The following KDM4C variants were observed in gnomAD, a reference collection of about 807,000 sequenced individuals.
The protein encoded by KDM4C is lysine-specific demethylase 4C.
In KDM4C, 81 loss-of-function variants were observed where a neutral mutation model predicts 129.3. The observed-to-expected ratio is 0.63, with a 90% CI of 0.52 to 0.75. The LOEUF is 0.75. Among genes scored for constraint, KDM4C ranks in the 30% least tolerant of loss-of-function variants. The probability of loss-of-function intolerance (pLI) is 0.00; values close to 1 mark genes in which losing one functional copy is unlikely to be tolerated. For missense variants in KDM4C, 1,457 were observed against 1,304.0 expected (o/e 1.12, Z -1.81); for synonymous variants, 573 against 456.1 (o/e 1.26, Z -3.26).
At chr9:7,010,233 G>A (rs1007946605) in intron 12 of KDM4C, among the ~76,000 whole-genome samples, 10 of 152,092 alleles carry the variant, frequency 6.6e-5, no homozygotes, top group African/African-American at 2.2e-4. Flanking sequence ...TGCAAATATA[G>A]GCAAAGACTC....
intron 18 of KDM4C, among the ~76,000 whole-genome samples, chr9:7,122,239 C>CCACACACACACACA (rs147638679): frequency 9.0e-5 from 13 of 144,258 alleles, no homozygotes; most frequent in African/African-American, 1.6e-4. Context: ...GTGGGAGATG[C>CCACACACACACACA]CACACACACA....
At chr9:7,154,567 C>G (rs1021924563) in intron 19 of KDM4C, among the ~76,000 whole-genome samples, 6 of 152,162 alleles carry the variant, frequency 3.9e-5, no homozygotes, top group Admixed American at 3.3e-4. Context: ...CTTCAGAATT[C>G]AGGTAATCAG....
intron 1 of KDM4C, among the ~76,000 whole-genome samples, chr9:6,770,801 A>AGAC (rs1563965834): frequency 1.7e-5 from 2 of 119,764 alleles, no homozygotes; most frequent in Non-Finnish European, 3.2e-5. Context: ...TTTGAGATGG[A>AGAC]ATCTCGCTCT....
At chr9:6,872,486 A>G (rs1276382963) in intron 5 of KDM4C, among the ~76,000 whole-genome samples, 3 of 152,142 alleles carry the variant, frequency 2.0e-5, no homozygotes, top group Non-Finnish European at 4.4e-5. Flanking sequence ...GTCTCCCACT[A>G]TTATTGTGTG....
chr9:6,866,323 G>T (rs182504045), intron 5 of KDM4C, among the ~76,000 whole-genome samples: 1 of 151,158 alleles, frequency 6.6e-6, no homozygotes, highest in African/African-American at 2.4e-5. Flanking sequence ...TTTCCTTTTT[G>T]GTTCCAGATG....
At chr9:6,943,674 CA>C (rs33979464) in intron 8 of KDM4C, among the ~76,000 whole-genome samples, 10,386 of 125,810 alleles carry the variant, frequency 0.083, 1,024 homozygotes, top group African/African-American at 0.25. Context: ...AATCTTGTCT[CA>C]AAAAAAAAAA....
At chr9:6,739,404 A>T (rs1216036215) in intron 1 of KDM4C, among the ~76,000 whole-genome samples, 1 of 151,702 alleles carries the variant, frequency 6.6e-6, no homozygotes, top group Non-Finnish European at 1.5e-5. Context: ...TGACCCAGAA[A>T]ATCCTGTTTA....
intron 1 of KDM4C, among the ~76,000 whole-genome samples, chr9:6,790,786 A>T (rs1409075104): frequency 6.6e-6 from 1 of 151,312 alleles, no homozygotes; most frequent in African/African-American, 2.4e-5. Flanking sequence ...TGAGGCAGCC[A>T]CTTTAGTGCT....
At chr9:6,800,408 A>G (rs771299296) in intron 2 of KDM4C, among the ~76,000 whole-genome samples, 7 of 150,762 alleles carry the variant, frequency 4.6e-5, no homozygotes, top group Non-Finnish European at 1.0e-4. Flanking sequence ...GCGTAGGAGC[A>G]TGTGCCTGTA....
At chr9:6,886,010 A>G (rs557444804) in intron 6 of KDM4C, among the ~76,000 whole-genome samples, 1 of 152,340 alleles carries the variant, frequency 6.6e-6, no homozygotes, top group Admixed American at 6.5e-5. Context: ...TTAAAACTTA[A>G]TTCATCAGTG....
chr9:6,994,487 C>G (rs763038046), intron 12 of KDM4C, among the ~76,000 whole-genome samples: 2 of 152,190 alleles, frequency 1.3e-5, no homozygotes, highest in Non-Finnish European at 2.9e-5. Context: ...TCACCTTACA[C>G]TGTGGTTTGT....
chr9:7,138,650 AC>A (rs1175263117), intron 19 of KDM4C, among the ~76,000 whole-genome samples: 5 of 151,982 alleles, frequency 3.3e-5, no homozygotes, highest in Non-Finnish European at 5.9e-5. Context: ...CCTCTTCTTT[AC>A]AAAAAAATTT....
chr9:6,992,200 G>A (rs1451783436), intron 12 of KDM4C, among the ~76,000 whole-genome samples: 1 of 152,240 alleles, frequency 6.6e-6, no homozygotes, highest in Middle Eastern at 3.4e-3. Context: ...CTATGCTAAG[G>A]CTGTACCAAC....
intron 6 of KDM4C, among the ~76,000 whole-genome samples, chr9:6,883,679 A>C (rs556078204): frequency 2.5e-4 from 38 of 152,326 alleles, no homozygotes; most frequent in African/African-American, 8.9e-4. Flanking sequence ...GGAAGAATTC[A>C]GGAAATGAAT....
At chr9:6,859,460 C>T (rs1430462564) in intron 5 of KDM4C, among the ~76,000 whole-genome samples, 4 of 108,004 alleles carry the variant, frequency 3.7e-5, no homozygotes, top group Non-Finnish European at 5.1e-5. Flanking sequence ...GGCGACAGAG[C>T]GGGACTCTGT....
At chr9:6,863,176 C>G (rs1340183787) in intron 5 of KDM4C, among the ~76,000 whole-genome samples, 1 of 152,010 alleles carries the variant, frequency 6.6e-6, no homozygotes, top group Non-Finnish European at 1.5e-5. Context: ...CTCCCCCCCA[C>G]CCCATGTTTT....
intron 4 of KDM4C, among the ~76,000 whole-genome samples, chr9:6,839,407 T>G (rs1028692014): frequency 2.7e-5 from 4 of 149,956 alleles, no homozygotes; most frequent in African/African-American, 9.8e-5. Context: ...TTTTTTTTTT[T>G]TTTTTTTTTT....
At chr9:7,009,642 C>T (rs754086150) in intron 12 of KDM4C, among the ~76,000 whole-genome samples, 7 of 152,208 alleles carry the variant, frequency 4.6e-5, no homozygotes, top group Admixed American at 3.9e-4. Context: ...TTCGTATCAC[C>T]GTTACAAATC....
Position 6,929,471 on chromosome 9 carries a change from CTTTTTTTT to C in KDM4C, c.921+36251_921+36258del, listed in dbSNP as rs59537472. On this transcript the variant is annotated intron_variant, in intron 8 of 21. Coordinates refer to ENST00000381309, the MANE Select transcript of KDM4C (RefSeq NM_015061.6). ...TACACTTTATCCTGTTTGACTTTTT[CTTTTTTTT>C]TTTTTTTTTTTGGCAACAATTCAGT... Among the ~76,000 whole-genome samples, 553 of 127,548 alleles carry C rather than the reference CTTTTTTTT, an allele frequency of 4.3e-3. 4 individuals carry two copies. Among genetic ancestry groups the C allele is most frequent in the African/African-American group, 0.015 (529 of 34,230 alleles). 83.7% of individuals were successfully genotyped at this position (127,548 alleles called of 152,430 possible).
Sources: gnomAD v4.1 joint callset for allele counts (sites outside exome capture counted in the v4.1 genomes callset) on GRCh38, gnomAD v4.1.1 for gene constraint, MANE v1.5 for transcripts, NCBI Gene and HGNC (gene_info 2026-07-23, HGNC 2026-07-21) for gene names.